RDX: variants seen among roughly 807,000 people sequenced by gnomAD.
The protein encoded by RDX is deafness, autosomal recessive 24.
Under a neutral mutation model 83.7 loss-of-function variants are expected in RDX, and 32 were observed. The observed-to-expected ratio is 0.38, with a 90% CI of 0.29 to 0.51. The LOEUF is 0.51. Among genes scored for constraint, RDX ranks in the 20% least tolerant of loss-of-function variants. The pLI is 0.87. For missense variants in RDX, 600 were observed against 689.9 expected (o/e 0.87, Z 1.46); for synonymous variants, 229 against 222.7 (o/e 1.03, Z -0.25).
intron 10 of RDX, among the ~76,000 whole-genome samples, chr11:110,241,455 C>T (rs1361694382): frequency 1.3e-5 from 2 of 152,130 alleles, no homozygotes; most frequent in Middle Eastern, 3.2e-3. Flanking sequence ...TGTCACCACA[C>T]CCAGCTAATT....
chr11:110,215,618 T>G (rs1591518021), intron 14 of RDX, among the ~76,000 whole-genome samples: 1 of 152,138 alleles, frequency 6.6e-6, no homozygotes, highest in Non-Finnish European at 1.5e-5. Context: ...AAGTCGAACT[T>G]AAGATTTAAA....
intron 1 of RDX, among the ~76,000 whole-genome samples, chr11:110,288,028 G>A (rs2134444760): frequency 6.6e-6 from 1 of 152,324 alleles, no homozygotes; most frequent in East Asian, 1.9e-4. Context: ...CTCTAAAGAT[G>A]TTTTAAGTGC....
intron 1 of RDX, among the ~76,000 whole-genome samples, chr11:110,284,403 G>T (rs1002598607): frequency 6.6e-6 from 1 of 152,080 alleles, no homozygotes; most frequent in African/African-American, 2.4e-5. Context: ...GGTTGTGGGG[G>T]TTTTTTATTT....
intron 14 of RDX, among the ~76,000 whole-genome samples, chr11:110,223,330 G>A (rs897026884): frequency 6.6e-6 from 1 of 152,002 alleles, no homozygotes; most frequent in Non-Finnish European, 1.5e-5. Flanking sequence ...TCCAGCCTGG[G>A]CGACAGAGCG....
chr11:110,228,283 A>C (rs1049323077), downstream of RDX, among the ~76,000 whole-genome samples: 5 of 152,104 alleles, frequency 3.3e-5, no homozygotes, highest in African/African-American at 1.2e-4. Flanking sequence ...GTTATCAAAC[A>C]CATTTGCAGA....
intron 14 of RDX, among the ~76,000 whole-genome samples, chr11:110,202,237 A>G (rs1012314833): frequency 1.3e-5 from 2 of 151,940 alleles, no homozygotes; most frequent in African/African-American, 4.8e-5. Context: ...TCTACTAAAA[A>G]TACAAAAATT....
intron 10 of RDX, among the ~76,000 whole-genome samples, chr11:110,240,207 T>C (rs992865445): frequency 1.6e-4 from 25 of 152,224 alleles, no homozygotes; most frequent in Middle Eastern, 6.8e-3. Context: ...TATTCAGCCA[T>C]AAAAATAAAT....
chr11:110,267,179 T>A lies in RDX; in HGVS notation c.97-2305A>T, dbSNP rs549613577. Among the ~76,000 whole-genome samples the A allele has an allele frequency of 1.1e-3, 168 of 152,298 alleles. 2 individuals are homozygous for A. The highest frequency in any genetic ancestry group is 3.6e-3 in the African/African-American group (150 of 41,582). ...TCAGCCTCCCAAAGTGTTGGGATTA[T>A]AGGCATGAGCCATCGTGCCCAGCCT... On this transcript the variant is annotated intron_variant, in intron 3 of 13. Coordinates refer to ENST00000645495, the MANE Select transcript of RDX (RefSeq NM_002906.4).
chr11:110,266,299 C>G (rs1352239377), intron 3 of RDX, among the ~76,000 whole-genome samples: 12 of 151,660 alleles, frequency 7.9e-5, no homozygotes, highest in Admixed American at 6.6e-4. Flanking sequence ...TGCCACTGCA[C>G]TCCAGCCTGG....
chr11:110,248,001 A>G (rs542861248), intron 9 of RDX, among the ~76,000 whole-genome samples, 168 bp from the exon 10 acceptor site: 65 of 152,316 alleles, frequency 4.3e-4, no homozygotes, highest in African/African-American at 1.2e-3. Context: ...TACAAATGCC[A>G]TATGTTCTCA....
At chr11:110,239,826 G>C (rs1865008986) in intron 10 of RDX, among the ~76,000 whole-genome samples, 1 of 149,800 alleles carries the variant, frequency 6.7e-6, no homozygotes, top group South Asian at 2.1e-4. Context: ...GGGTGATAGA[G>C]GAAGACTCTG....
chr11:110,253,945 C>A lies in RDX; in HGVS notation c.959+1G>T. ...AAAGTGAAAGGTCATAAACCCCATA[C>A]CTTTCCAACTGCTTCTGATGTTTCT... is the stretch of plus-strand genomic sequence containing the variant. On this transcript the variant is annotated splice_donor_variant, in intron 9 of 13. Transcript: ENST00000645495. LOFTEE classifies it high-confidence loss of function. 2 of 1,613,310 alleles carry A rather than the reference C, an allele frequency of 1.2e-6. No individual in the cohort carries two copies. The highest frequency in any genetic ancestry group is 1.7e-6 in the Non-Finnish European group (2 of 1,179,638).
chr11:110,208,109 C>T (rs1863674096), intron 14 of RDX, among the ~76,000 whole-genome samples: 1 of 151,974 alleles, frequency 6.6e-6, no homozygotes, highest in Non-Finnish European at 1.5e-5. Context: ...CATGAGCCAC[C>T]ATGCCCGGCC....
At chr11:110,258,081 A>T (rs1859619535) in intron 6 of RDX, 25 bp downstream of exon 6, 1 of 1,552,400 alleles carries the variant, frequency 6.4e-7, no homozygotes, top group Admixed American at 1.7e-5. Context: ...AAAAAAGAAA[A>T]CATAGAAAAT....
chr11:110,241,859 C>T (rs1865111911), intron 10 of RDX, among the ~76,000 whole-genome samples: 1 of 152,090 alleles, frequency 6.6e-6, no homozygotes. Flanking sequence ...TAAAGGAAGG[C>T]AATTCTGACA....
intron 2 of RDX, among the ~76,000 whole-genome samples, chr11:110,275,497 A>G (rs1461107463): frequency 6.6e-6 from 1 of 152,196 alleles, no homozygotes; most frequent in East Asian, 1.9e-4. Flanking sequence ...TCATAGACCA[A>G]TGGAAAACTA....
chr11:110,267,088 G>C (rs544785807), intron 3 of RDX, among the ~76,000 whole-genome samples: 91 of 151,994 alleles, frequency 6.0e-4, no homozygotes, highest in African/African-American at 2.1e-3. Context: ...ATTTTTAGTA[G>C]AGATAGGGTC....
In RDX at chr11:110,237,143, A is replaced by T. The variant is rs563528216; in HGVS notation, c.1251+349T>A. ...ATAATATATTATATAACTATAACAT[A>T]TATCTATATTATATAACTATAACAT... is the stretch of plus-strand genomic sequence containing the variant. On this transcript the variant is annotated intron_variant, in intron 11 of 13. Transcript: ENST00000645495. Among the ~76,000 whole-genome samples, 31 of 149,506 alleles carry T rather than the reference A, an allele frequency of 2.1e-4. 1 individual carries two copies. The South Asian group carries it at 5.0e-3, about 24-fold the overall frequency.
chr11:110,199,201 C>A (rs1180766719), intron 15 of RDX, among the ~76,000 whole-genome samples: 1 of 152,166 alleles, frequency 6.6e-6, no homozygotes, highest in Non-Finnish European at 1.5e-5. Context: ...CTTTCATTCT[C>A]AATGCTAGAG....
Sources: allele counts gnomAD v4.1 joint callset (sites outside exome capture counted in the v4.1 genomes callset), GRCh38; gene constraint gnomAD v4.1.1; transcripts MANE v1.5; gene names NCBI Gene and HGNC (gene_info 2026-07-23, HGNC 2026-07-21).